The following RYR2 variants were observed in gnomAD, a reference collection of about 807,000 sequenced individuals.
RYR2 encodes the protein cardiac muscle ryanodine receptor-calcium release channel.
Under a neutral mutation model 601.1 loss-of-function variants are expected in RYR2, and 227 were observed. The observed-to-expected ratio is 0.38, with a 90% CI of 0.34 to 0.42. The LOEUF (loss-of-function observed/expected upper bound fraction) is 0.42, where lower values mean the gene tolerates loss of function less well. RYR2 is among the 10% of genes least tolerant of loss of function. The pLI, the probability that RYR2 is intolerant of heterozygous loss-of-function variation, is 1.00. For synonymous variants in RYR2, 2,223 were observed against 2,175.1 expected, an observed-to-expected ratio of 1.02 and a Z score of -0.61; for missense variants, 4,646 against 6,156.5, an observed-to-expected ratio of 0.75 and a Z score of 8.21.
At chr1:237,175,088 G>T (rs1244520775) in intron 1 of RYR2, among the ~76,000 whole-genome samples, 1 of 152,136 alleles carries the variant, frequency 6.6e-6, no homozygotes, top group Non-Finnish European at 1.5e-5. Flanking sequence ...CATAGCACTT[G>T]AATATGCAGA....
chr1:237,094,505 GA>G (rs143958279), intron 1 of RYR2, among the ~76,000 whole-genome samples: 4,579 of 152,272 alleles, frequency 0.03, 90 homozygotes, highest in East Asian at 0.085. Context: ...TTGATGGACA[GA>G]AGTGACTTAA....
chr1:237,592,914 G>A (rs1199681273), intron 32 of RYR2, among the ~76,000 whole-genome samples: 21 of 151,476 alleles, frequency 1.4e-4, no homozygotes, highest in African/African-American at 4.6e-4. Context: ...CCAGCTACTC[G>A]GGAGGCTGAG....
At chr1:237,517,097 T>TG in intron 24 of RYR2, among the ~76,000 whole-genome samples, 1 of 152,328 alleles carries the variant, frequency 6.6e-6, no homozygotes, top group Middle Eastern at 3.4e-3. Flanking sequence ...CATCATGCCT[T>TG]GCACCACTCT....
chr1:237,429,347 C>T (rs1009589546), intron 12 of RYR2, among the ~76,000 whole-genome samples: 1 of 152,092 alleles, frequency 6.6e-6, no homozygotes, highest in Non-Finnish European at 1.5e-5. Context: ...ACAGGGTTAT[C>T]TCTGCACCAA....
intron 83 of RYR2, 87 bp downstream of exon 83, chr1:237,759,939 A>G: frequency 1.3e-6 from 1 of 797,870 alleles, no homozygotes; most frequent in Non-Finnish European, 2.2e-6. Flanking sequence ...ATAATTGCAC[A>G]TAGAAGAATA....
intron 71 of RYR2, among the ~76,000 whole-genome samples, chr1:237,715,706 A>G (rs1261584804): frequency 6.6e-6 from 1 of 152,222 alleles, no homozygotes; most frequent in African/African-American, 2.4e-5. Flanking sequence ...TACAATTTAG[A>G]CTAAGAAAAC....
intron 29 of RYR2, among the ~76,000 whole-genome samples, chr1:237,585,339 C>G (rs2148401666): frequency 6.6e-6 from 1 of 152,238 alleles, no homozygotes; most frequent in East Asian, 1.9e-4. Context: ...CGATTCCTAT[C>G]TCATTGGATG....
chr1:237,180,616 G>A lies in RYR2; in HGVS notation c.49-89881G>A, dbSNP rs201213334. ...TATATAAGTATATATATGTATATAT[G>A]TATATATGTATATGTGTATATATGT... On this transcript the variant is annotated intron_variant, in intron 1 of 104. Coordinates refer to ENST00000366574, the MANE Select transcript of RYR2 (RefSeq NM_001035.3). The surrounding 1 kb of genome is among the most constrained non-coding windows in gnomAD (Gnocchi z 5.3). 5.6e-5 allele frequency among the ~76,000 whole-genome samples: 2 copies of A among 35,742 alleles called. No homozygotes were observed. Among genetic ancestry groups the A allele is most frequent in the Admixed American group, 4.2e-4 (1 of 2,372 alleles). 23.4% of individuals were successfully genotyped at this position (35,742 alleles called of 152,430 possible). A position where few individuals can be genotyped will look rare whatever the true frequency, so the allele number is the denominator to read the frequency against.
intron 100 of RYR2, among the ~76,000 whole-genome samples, chr1:237,813,202 G>C (rs1003280924): frequency 6.6e-6 from 1 of 152,136 alleles, no homozygotes; most frequent in African/African-American, 2.4e-5. Context: ...GCAGAAGGTA[G>C]CAGTAGCAGG....
chr1:237,481,809 CAAAAAAAA>C (rs553197529), intron 17 of RYR2, among the ~76,000 whole-genome samples: 3 of 46,892 alleles, frequency 6.4e-5, no homozygotes, highest in South Asian at 1.8e-3. Flanking sequence ...TGCTGTGTAG[CAAAAAAAA>C]AAAAAAAAAA....
intron 1 of RYR2, among the ~76,000 whole-genome samples, chr1:237,113,886 T>C (rs569569112): frequency 6.6e-6 from 1 of 152,270 alleles, no homozygotes; most frequent in Non-Finnish European, 1.5e-5. Context: ...TCTTTAAGTG[T>C]TGAAGTGAAG....
chr1:237,065,731 T>C (rs6673872), intron 1 of RYR2, among the ~76,000 whole-genome samples: 117,807 of 152,132 alleles, frequency 0.77, 46,200 homozygotes, highest in East Asian at 0.99. Context: ...TAAAGAAATA[T>C]CTGAGACTGG....
chr1:237,279,240 A>T (rs1690606713), intron 2 of RYR2, among the ~76,000 whole-genome samples: 1 of 152,150 alleles, frequency 6.6e-6, no homozygotes, highest in South Asian at 2.1e-4. Flanking sequence ...TTCACTGGGG[A>T]CTAATTTATT....
At chr1:237,126,078 A>C (rs1448821323) in intron 1 of RYR2, among the ~76,000 whole-genome samples, 1 of 152,168 alleles carries the variant, frequency 6.6e-6, no homozygotes, top group African/African-American at 2.4e-5. Flanking sequence ...CTCTACTAAA[A>C]ATACAAGAAT....
intron 1 of RYR2, among the ~76,000 whole-genome samples, chr1:237,259,575 C>A (rs1011452036): frequency 3.4e-5 from 5 of 148,104 alleles, no homozygotes; most frequent in Non-Finnish European, 4.5e-5. Flanking sequence ...TTGTATAAAA[C>A]CACACACACA....
chr1:237,703,704 C>T (rs1688144131), intron 66 of RYR2, among the ~76,000 whole-genome samples: 1 of 150,634 alleles, frequency 6.6e-6, no homozygotes, highest in Non-Finnish European at 1.5e-5. Flanking sequence ...ATAATTTTGA[C>T]ATAATCAATC....
At chr1:237,126,301 C>T (rs1671412459) in intron 1 of RYR2, among the ~76,000 whole-genome samples, 1 of 152,020 alleles carries the variant, frequency 6.6e-6, no homozygotes, top group Non-Finnish European at 1.5e-5. Context: ...GTGTGCCACT[C>T]AGCTGTCCTT....
intron 35 of RYR2, among the ~76,000 whole-genome samples, chr1:237,609,135 CCT>C (rs564901040): frequency 7.7e-6 from 1 of 130,000 alleles, no homozygotes; most frequent in Non-Finnish European, 1.7e-5. Context: ...CTCACTACAA[CCT>C]CTCTCTCTCT....
At chr1:237,375,667 C>T (rs1459357597) in intron 7 of RYR2, among the ~76,000 whole-genome samples, 1 of 152,102 alleles carries the variant, frequency 6.6e-6, no homozygotes, top group Non-Finnish European at 1.5e-5. Context: ...AAAAGAAATT[C>T]CAAGAACCCC....
Sources: gnomAD v4.1 joint callset for allele counts (sites outside exome capture counted in the v4.1 genomes callset) on GRCh38, gnomAD v4.1.1 for gene constraint, Gnocchi (gnomAD v3.1) non-coding constraint, MANE v1.5 for transcripts, NCBI Gene and HGNC (gene_info 2026-07-23, HGNC 2026-07-21) for gene names.